UTS2: variants seen among roughly 807,000 people sequenced by gnomAD.
UTS2 encodes the protein urotensin 2.
UTS2 carries 10 observed loss-of-function variants against 12.6 expected under a neutral mutation model. That is an observed-to-expected ratio of 0.80 (90% CI 0.49 to 1.35). The LOEUF is 1.35. Ranked by LOEUF, UTS2 falls within the 40% of genes most tolerant of loss-of-function variation. The pLI is 0.00. For missense variants in UTS2, 142 were observed against 143.2 expected, an observed-to-expected ratio of 0.99 and a Z score of 0.04; for synonymous variants, 52 against 50.0, an observed-to-expected ratio of 1.04 and a Z score of -0.17.
chr1:7,847,912 A>C (rs1255108544), intron 3 of UTS2, 30 bp from the exon 4 acceptor site: 3 of 1,419,528 alleles, frequency 2.1e-6, no homozygotes, highest in Admixed American at 2.0e-5. Context: ...CAACAACAAC[A>C]AAAAAAAACA....
At chr1:7,898,334 C>T in the UTS2 span, among the ~76,000 whole-genome samples, 2 of 152,180 alleles carry the variant, frequency 1.3e-5, no homozygotes, top group African/African-American at 4.8e-5. Context: ...AGAAAAAAAG[C>T]ACTAAATGCC....
the UTS2 span, among the ~76,000 whole-genome samples, chr1:7,881,843 C>A: frequency 6.6e-6 from 1 of 152,058 alleles, no homozygotes; most frequent in Non-Finnish European, 1.5e-5. Context: ...GCAAAAAGAA[C>A]AAAGTTAAAG....
At chr1:7,898,038 C>A in the UTS2 span, among the ~76,000 whole-genome samples, 3 of 152,148 alleles carry the variant, frequency 2.0e-5, no homozygotes, top group African/African-American at 4.8e-5. Flanking sequence ...TCTTGATAAA[C>A]TTCTCTTGTT....
At chr1:7,854,854 CAAT>C (rs140765929), upstream of UTS2, among the ~76,000 whole-genome samples, 9,303 of 151,474 alleles carry the variant, frequency 0.061, 398 homozygotes, top group Middle Eastern at 0.15. Flanking sequence ...AAACTAATAA[CAAT>C]AATAATAATA....
At chr1:7,890,976 C>CGG in the UTS2 span, among the ~76,000 whole-genome samples, 12 of 148,740 alleles carry the variant, frequency 8.1e-5, no homozygotes, top group African/African-American at 2.9e-4. Context: ...CACCCCCCCC[C>CGG]ACAAAACTGG....
the UTS2 span, among the ~76,000 whole-genome samples, chr1:7,868,515 G>A: frequency 1.3e-5 from 2 of 152,184 alleles, no homozygotes; most frequent in Non-Finnish European, 2.9e-5. Flanking sequence ...ACCCCCAGGG[G>A]ACTGTGGGGG....
the UTS2 span, among the ~76,000 whole-genome samples, chr1:7,909,760 A>G: frequency 2.6e-5 from 4 of 151,862 alleles, no homozygotes; most frequent in Non-Finnish European, 5.9e-5. Context: ...AGCTGGGACT[A>G]CAGGCGCCCA....
the UTS2 span, among the ~76,000 whole-genome samples, chr1:7,871,865 C>G: frequency 6.8e-6 from 1 of 147,402 alleles, no homozygotes; most frequent in South Asian, 2.1e-4. Context: ...GCCGTTCCCC[C>G]ATCTCTCCCT....
chr1:7,900,348 T>A, the UTS2 span, among the ~76,000 whole-genome samples: 104,642 of 151,852 alleles, frequency 0.69, 37,607 homozygotes, highest in African/African-American at 0.9. Flanking sequence ...GCAGTGAGCC[T>A]TGATTGTACC....
chr1:7,849,539 T>C lies in UTS2; in HGVS notation c.258+101A>G, dbSNP rs963513328. 5.5e-6 allele frequency: 6 copies of C among 1,085,410 alleles called. No homozygotes were observed. The African/African-American group carries it at 9.8e-5, about 18-fold the overall frequency. The allele number at this position is 1,085,410 out of a possible 1,614,324, so 67.2% of individuals were successfully genotyped here. ...CTGGCCAATTATTTTAAGGTGTGGT[T>C]TCCACCAAGAACACTCCTCTAGTTC... is the stretch of plus-strand genomic sequence containing the variant. On this transcript the variant is annotated intron_variant, in intron 3 of 3. Transcript: ENST00000361696.
upstream of UTS2, among the ~76,000 whole-genome samples, chr1:7,854,056 ACT>A (rs1280598120): frequency 6.6e-6 from 1 of 152,028 alleles, no homozygotes; most frequent in Non-Finnish European, 1.5e-5. Context: ...ATAGAGAAAC[ACT>A]GTCTCGGCCG....
At chr1:7,900,653 C>T in the UTS2 span, among the ~76,000 whole-genome samples, 10 of 151,066 alleles carry the variant, frequency 6.6e-5, no homozygotes, top group African/African-American at 9.7e-5. Context: ...TGGTGGCTGG[C>T]GCCTGTAATC....
intron 1 of UTS2, among the ~76,000 whole-genome samples, chr1:7,851,520 G>T (rs2097414184): frequency 6.6e-6 from 1 of 152,162 alleles, no homozygotes; most frequent in Non-Finnish European, 1.5e-5. Flanking sequence ...TGCGCTTAAG[G>T]TGTGTGGAAA....
At chr1:7,874,260 A>T in the UTS2 span, among the ~76,000 whole-genome samples, 1 of 152,164 alleles carries the variant, frequency 6.6e-6, no homozygotes, top group African/African-American at 2.4e-5. Flanking sequence ...CTTGGCCCTC[A>T]TGGGCTTTGA....
chr1:7,864,702 C>A, the UTS2 span, among the ~76,000 whole-genome samples: 1 of 152,244 alleles, frequency 6.6e-6, no homozygotes, highest in African/African-American at 2.4e-5. Context: ...CGTCTCCTTT[C>A]CCCTAAGAAG....
intron 2 of UTS2, among the ~76,000 whole-genome samples, chr1:7,850,057 C>T (rs562056911): frequency 2.6e-5 from 4 of 151,148 alleles, no homozygotes; most frequent in African/African-American, 9.7e-5. Flanking sequence ...ACAACCTCTG[C>T]CTCCTGGGTT....
At chr1:7,880,013 T>C in the UTS2 span, among the ~76,000 whole-genome samples, 1 of 152,044 alleles carries the variant, frequency 6.6e-6, no homozygotes, top group South Asian at 2.1e-4. Context: ...TCCCAACACT[T>C]TGGGAGGCTG....
chr1:7,850,757 G>C (rs533261976), intron 2 of UTS2, 55 bp downstream of exon 2: 31 of 1,550,174 alleles, frequency 2.0e-5, no homozygotes, highest in Non-Finnish European at 2.6e-5. Flanking sequence ...GAGGACAGAC[G>C]GTAAGTTCAG....
chr1:7,864,894 A>T, the UTS2 span, among the ~76,000 whole-genome samples: 2 of 116,698 alleles, frequency 1.7e-5, no homozygotes, highest in African/African-American at 2.8e-5. Context: ...CGTCTTCCCC[A>T]TGTGTCCTCC....
Sources: gnomAD v4.1 joint callset for allele counts (sites outside exome capture counted in the v4.1 genomes callset) on GRCh38, gnomAD v4.1.1 for gene constraint, MANE v1.5 for transcripts, NCBI Gene and HGNC (gene_info 2026-07-23, HGNC 2026-07-21) for gene names.